TRPM3: variants seen among roughly 807,000 people sequenced by gnomAD.
TRPM3 encodes the protein long transient receptor potential channel 3.
Under a neutral mutation model 181.2 loss-of-function variants are expected in TRPM3, and 77 were observed. That is an observed-to-expected ratio of 0.42 (90% CI 0.35 to 0.51). The LOEUF (loss-of-function observed/expected upper bound fraction) is 0.51, where lower values mean the gene tolerates loss of function less well. Among genes scored for constraint, TRPM3 ranks in the 20% least tolerant of loss-of-function variants. The probability of loss-of-function intolerance (pLI) is 0.01; values close to 1 mark genes in which losing one functional copy is unlikely to be tolerated. For missense variants in TRPM3, 1,759 were observed against 2,196.7 expected (o/e 0.80, Z 3.98); for synonymous variants, 745 against 796.4 (o/e 0.94, Z 1.09).
chr9:70,879,962 C>T (rs2095954894), intron 1 of TRPM3, among the ~76,000 whole-genome samples: 1 of 152,098 alleles, frequency 6.6e-6, no homozygotes, highest in Non-Finnish European at 1.5e-5. Context: ...AGACACACTC[C>T]TAGTATTGCA....
intron 1 of TRPM3, among the ~76,000 whole-genome samples, chr9:71,377,595 T>C (rs111296275): frequency 1.6e-3 from 249 of 152,194 alleles, no homozygotes; most frequent in African/African-American, 5.6e-3. Flanking sequence ...CAGGTGTGGC[T>C]AGTCTGTATC....
At chr9:70,786,941 G>A (rs1023597155) in intron 6 of TRPM3, among the ~76,000 whole-genome samples, 4 of 152,066 alleles carry the variant, frequency 2.6e-5, no homozygotes, top group Non-Finnish European at 4.4e-5. Flanking sequence ...CAGTGTTCTC[G>A]TGGAGGGAGA....
intron 1 of TRPM3, among the ~76,000 whole-genome samples, chr9:71,163,148 G>T (rs1300179992): frequency 6.6e-6 from 1 of 152,144 alleles, no homozygotes; most frequent in Non-Finnish European, 1.5e-5. Flanking sequence ...ACCCAAAGAG[G>T]TGACATGATT....
intron 1 of TRPM3, among the ~76,000 whole-genome samples, chr9:70,975,342 G>A (rs2097292445): frequency 6.6e-6 from 1 of 152,126 alleles, no homozygotes; most frequent in Admixed American, 6.5e-5. Context: ...TTGTACCACA[G>A]CCATTTCAAG....
At chr9:71,086,118 G>A (rs934262824) in intron 1 of TRPM3, among the ~76,000 whole-genome samples, 8 of 151,928 alleles carry the variant, frequency 5.3e-5, no homozygotes, top group African/African-American at 1.9e-4. Context: ...AATACTGCAT[G>A]TTCTCACTCG....
chr9:71,378,936 T>C (rs951079935), intron 1 of TRPM3, among the ~76,000 whole-genome samples: 3 of 152,030 alleles, frequency 2.0e-5, no homozygotes, highest in African/African-American at 7.2e-5. Flanking sequence ...CCTACTTCAA[T>C]GTCTAGCAAT....
intron 1 of TRPM3, among the ~76,000 whole-genome samples, chr9:70,899,607 C>G (rs905491532): frequency 8.5e-5 from 13 of 152,090 alleles, no homozygotes; most frequent in African/African-American, 3.1e-4. Context: ...TCTTGCAAAA[C>G]TTTTAATTGA....
At position 70,625,139 on chromosome 9, in the gene TRPM3, C is replaced by T. The variant is rs1352123950; in HGVS notation, c.1809+52G>A. ...AGACAAAGAAGCCACAACCCAAATC[C>T]CATACACCCTAGTCCTCCCAGGAAG... On this transcript the variant is annotated intron_variant, in intron 14 of 25. Transcript: ENST00000677713. This position sits in a 1 kb window ranked among gnomAD's most constrained non-coding sequence, Gnocchi z 4.8. 1.9e-6 allele frequency: 3 copies of T among 1,602,306 alleles called. No individual in the cohort carries two copies. The highest frequency in any genetic ancestry group is 1.7e-4 in the Middle Eastern group (1 of 5,882).
intron 1 of TRPM3, among the ~76,000 whole-genome samples, chr9:71,007,274 A>C (rs1282391591): frequency 4.6e-5 from 7 of 152,080 alleles, no homozygotes; most frequent in Non-Finnish European, 1.0e-4. Context: ...TGGGTACTTC[A>C]CCACCCTACT....
intron 1 of TRPM3, among the ~76,000 whole-genome samples, chr9:70,883,911 C>T (rs1307113613): frequency 1.3e-5 from 2 of 152,014 alleles, no homozygotes; most frequent in African/African-American, 2.4e-5. Flanking sequence ...GGAAAGAGGC[C>T]GAATTTGCAA....
intron 1 of TRPM3, among the ~76,000 whole-genome samples, chr9:71,295,105 C>T (rs1375813194): frequency 1.3e-5 from 2 of 152,108 alleles, no homozygotes; most frequent in Non-Finnish European, 2.9e-5. Context: ...TCTTGTTACA[C>T]ACACCTTTGT....
At chr9:71,075,580 T>C (rs1015099316) in intron 1 of TRPM3, among the ~76,000 whole-genome samples, 1 of 152,232 alleles carries the variant, frequency 6.6e-6, no homozygotes, top group African/African-American at 2.4e-5. Context: ...GTCTGTTGTA[T>C]CTTTAAAAAC....
At chr9:70,626,576 T>G (rs2064658964) in intron 12 of TRPM3, among the ~76,000 whole-genome samples, 1 of 152,178 alleles carries the variant, frequency 6.6e-6, no homozygotes, top group Non-Finnish European at 1.5e-5. Flanking sequence ...ACGGCTGGAC[T>G]TTGTCTCACC....
intron 1 of TRPM3, among the ~76,000 whole-genome samples, chr9:71,264,798 C>T (rs2083279109): frequency 6.6e-6 from 1 of 152,152 alleles, no homozygotes; most frequent in Non-Finnish European, 1.5e-5. Flanking sequence ...TCACCTTAAG[C>T]ATCATTGCTG....
In TRPM3 at chr9:71,423,430, A is replaced by C. The variant is rs543915324; in HGVS notation, c.183+23223T>G. Reference sequence around the variant, plus strand: ...AACATCTCATCTAAGCAATGAAGAAAGCTGGCATTTTCTGAGTAACCATTC... The same window carrying C: ...AACATCTCATCTAAGCAATGAAGAACGCTGGCATTTTCTGAGTAACCATTC... On this transcript the variant is annotated intron_variant, in intron 1 of 24. Coordinates refer to the TRPM3 transcript ENST00000357533. 2.0e-5 allele frequency among the ~76,000 whole-genome samples: 3 copies of C among 152,248 alleles called. No homozygotes were observed. The South Asian group carries it at 6.2e-4, about 32-fold the overall frequency.
chr9:71,031,965 ATATATATT>A (rs1565020949), intron 1 of TRPM3, among the ~76,000 whole-genome samples: 1 of 588 alleles, frequency 1.7e-3, no homozygotes, highest in African/African-American at 3.9e-3. Context: ...ATAATTATAT[ATATATATT>A]ATATATATAT....
At chr9:71,124,995 C>A (rs1369572311), upstream of TRPM3, among the ~76,000 whole-genome samples, 1 of 152,132 alleles carries the variant, frequency 6.6e-6, no homozygotes, top group Non-Finnish European at 1.5e-5. Context: ...CATATATTTT[C>A]AGGCTCTAAT....
intron 1 of TRPM3, among the ~76,000 whole-genome samples, chr9:70,892,431 A>T (rs1029178060): frequency 6.6e-6 from 1 of 152,160 alleles, no homozygotes; most frequent in Non-Finnish European, 1.5e-5. Flanking sequence ...TTGAGATTAC[A>T]AACAATATCA....
intron 9 of TRPM3, among the ~76,000 whole-genome samples, chr9:70,678,196 C>T (rs997609319): frequency 3.3e-5 from 5 of 152,116 alleles, no homozygotes; most frequent in African/African-American, 9.7e-5. Flanking sequence ...AAAAGCTACT[C>T]GAGGTCATCA....
Sources: allele counts gnomAD v4.1 joint callset (sites outside exome capture counted in the v4.1 genomes callset), GRCh38; gene constraint gnomAD v4.1.1; non-coding constraint Gnocchi (gnomAD v3.1); transcripts MANE v1.5; gene names NCBI Gene and HGNC (gene_info 2026-07-23, HGNC 2026-07-21).